Variants in XYLB observed in about 807,000 individuals in gnomAD.
XYLB encodes the protein xylulokinase.
XYLB carries 62 observed loss-of-function variants against 78.7 expected under a neutral mutation model. That is an observed-to-expected ratio of 0.79 (90% CI 0.64 to 0.97). The LOEUF (loss-of-function observed/expected upper bound fraction) is 0.97. XYLB is among the 50% of genes least tolerant of loss of function. XYLB has a pLI of 0.00. For missense variants in XYLB, 687 were observed against 676.8 expected (o/e 1.02, Z -0.17); for synonymous variants, 245 against 247.4 (o/e 0.99, Z 0.09).
chr3:38,431,842 G>A, the XYLB span, among the ~76,000 whole-genome samples: 69 of 152,240 alleles, frequency 4.5e-4, no homozygotes, highest in East Asian at 0.013. Context: ...AATACCATCA[G>A]ACCTCATGAG....
chr3:38,417,760 G>A (rs535376149), downstream of XYLB, among the ~76,000 whole-genome samples: 24 of 151,302 alleles, frequency 1.6e-4, no homozygotes, highest in South Asian at 6.3e-4. Flanking sequence ...CATGCCTGTA[G>A]TCCCAGCTAC....
At chr3:38,409,914 C>T (rs1708501048) in intron 18 of XYLB, among the ~76,000 whole-genome samples, 1 of 152,200 alleles carries the variant, frequency 6.6e-6, no homozygotes, top group South Asian at 2.1e-4. Flanking sequence ...ACATTCCATG[C>T]TCATGGATAG....
chr3:38,363,624 G>C (rs1402537408), intron 4 of XYLB, among the ~76,000 whole-genome samples: 1 of 152,196 alleles, frequency 6.6e-6, no homozygotes, highest in Non-Finnish European at 1.5e-5. Context: ...ACGTCATCTG[G>C]CTTTCTGGTG....
intron 14 of XYLB, 142 bp downstream of exon 14, chr3:38,377,133 G>A (rs529100797): frequency 9.3e-6 from 7 of 750,790 alleles, no homozygotes; most frequent in African/African-American, 8.9e-5. Flanking sequence ...TGGTGTGCCA[G>A]GGTGCATTCT....
chr3:38,413,202 C>A lies in XYLB; in HGVS notation c.*189C>A. The A allele has an allele frequency of 2.0e-6, 1 of 495,876 alleles. No homozygotes were observed. Among genetic ancestry groups the A allele is most frequent in the Non-Finnish European group, 3.4e-6 (1 of 291,924 alleles). 30.7% of individuals were successfully genotyped at this position (495,876 alleles called of 1,614,324 possible). Reference sequence around the variant, plus strand: ...CATGAAGATAGATAGGCACTCCTGTCCCTGTGCCCGTGTGCCCCAGGGCAG... The same window carrying A: ...CATGAAGATAGATAGGCACTCCTGTACCTGTGCCCGTGTGCCCCAGGGCAG... On this transcript the variant is annotated 3_prime_UTR_variant, in exon 19 of 19. Transcript: ENST00000207870.
At chr3:38,439,718 C>T in the XYLB span, among the ~76,000 whole-genome samples, 2 of 151,136 alleles carry the variant, frequency 1.3e-5, no homozygotes, top group African/African-American at 2.4e-5. Flanking sequence ...GCCGAGATAG[C>T]GCCACTGCAC....
chr3:38,413,273 A>T lies in XYLB; in HGVS notation c.*260A>T, dbSNP rs1467120031. The T allele has an allele frequency of 9.8e-6, 4 of 408,062 alleles. No individual in the cohort carries two copies. The highest frequency in any genetic ancestry group is 1.7e-5 in the Non-Finnish European group (4 of 233,528). The allele number at this position is 408,062 out of a possible 1,614,324, so 25.3% of individuals were successfully genotyped here. A position where few individuals can be genotyped will look rare whatever the true frequency, so the allele number is the denominator to read the frequency against. ...GTCTTTTATCCCAGGAGGCAGGACA[A>T]CACTGAGACTGGGATATGTCCAATA... is the stretch of plus-strand genomic sequence containing the variant. On this transcript the variant is annotated 3_prime_UTR_variant, in exon 19 of 19. Transcript: ENST00000207870.
the XYLB span, among the ~76,000 whole-genome samples, chr3:38,436,214 A>T: frequency 2.6e-5 from 4 of 152,170 alleles, no homozygotes; most frequent in Non-Finnish European, 5.9e-5. Flanking sequence ...GAAGACCCAA[A>T]TAAAATCAGA....
chr3:38,437,070 A>G, the XYLB span, among the ~76,000 whole-genome samples: 1 of 150,362 alleles, frequency 6.7e-6, no homozygotes. Flanking sequence ...AAACCCCACC[A>G]TAATCAAGTG....
At chr3:38,436,008 A>G in the XYLB span, among the ~76,000 whole-genome samples, 3 of 152,190 alleles carry the variant, frequency 2.0e-5, no homozygotes, top group African/African-American at 7.2e-5. Context: ...CAAGCTAACA[A>G]TGTACCTCAA....
chr3:38,433,436 T>G, the XYLB span, among the ~76,000 whole-genome samples: 1 of 152,254 alleles, frequency 6.6e-6, no homozygotes, highest in Non-Finnish European at 1.5e-5. Flanking sequence ...AGGCTTGAAT[T>G]TCTCCTCAGA....
chr3:38,346,984 G>C (rs1705096979), intron 1 of XYLB, 59 bp downstream of exon 1: 5 of 1,361,424 alleles, frequency 3.7e-6, no homozygotes, highest in Non-Finnish European at 4.8e-6. Context: ...TGGGGGTAGG[G>C]GGCGGGCTGT....
At chr3:38,347,772 C>A (rs571758391) in intron 1 of XYLB, among the ~76,000 whole-genome samples, 8 of 152,216 alleles carry the variant, frequency 5.3e-5, no homozygotes, top group Non-Finnish European at 1.5e-5. Context: ...GTCTGTGCAC[C>A]CAGGACTGCT....
chr3:38,407,008 A>C (rs1206958506), intron 18 of XYLB, among the ~76,000 whole-genome samples: 3 of 148,358 alleles, frequency 2.0e-5, no homozygotes, highest in Non-Finnish European at 4.5e-5. Context: ...GCAGGCCAAC[A>C]TTCAGATTCA....
the XYLB span, among the ~76,000 whole-genome samples, chr3:38,442,416 G>A: frequency 2.6e-5 from 4 of 152,148 alleles, no homozygotes; most frequent in Admixed American, 2.0e-4. Context: ...AAACAGATGA[G>A]GGCTATCCCT....
At chr3:38,361,857 G>A (rs1467254654) in intron 3 of XYLB, among the ~76,000 whole-genome samples, 3 of 152,246 alleles carry the variant, frequency 2.0e-5, no homozygotes, top group African/African-American at 7.2e-5. Context: ...AAGGCTGGGG[G>A]TGGTGGAGTC....
At chr3:38,423,627 A>G (rs1031956187), downstream of XYLB, among the ~76,000 whole-genome samples, 3 of 152,212 alleles carry the variant, frequency 2.0e-5, no homozygotes, top group Non-Finnish European at 4.4e-5. Flanking sequence ...TAGCGTTTTC[A>G]TTGGAAAGTG....
At chr3:38,379,176 GAC>G in intron 14 of XYLB, 68 bp from the exon 15 acceptor site, 1 of 1,480,810 alleles carries the variant, frequency 6.8e-7, no homozygotes, top group Admixed American at 1.7e-5. Flanking sequence ...ATCACACACA[GAC>G]ACACACATAC....
At position 38,404,790 on chromosome 3, in the gene XYLB, C is replaced by G. The variant is rs1009089377; in HGVS notation, c.1533+3805C>G. Among the ~76,000 whole-genome samples the G allele has an allele frequency of 2.0e-5, 3 of 152,182 alleles. No individual in the cohort carries two copies. The South Asian group carries it at 6.2e-4, about 31-fold the overall frequency. On this transcript the variant is annotated intron_variant, in intron 18 of 18. Transcript: ENST00000207870. Reference sequence around the variant, plus strand: ...TCAGTTAATCAAGATTGCACCACTGCACCTCCAGCCTGGGTAACAGAGTGA... The same window carrying G: ...TCAGTTAATCAAGATTGCACCACTGGACCTCCAGCCTGGGTAACAGAGTGA...
Sources: gnomAD v4.1 joint callset for allele counts (sites outside exome capture counted in the v4.1 genomes callset) on GRCh38, gnomAD v4.1.1 for gene constraint, MANE v1.5 for transcripts, NCBI Gene and HGNC (gene_info 2026-07-23, HGNC 2026-07-21) for gene names.